Variants in CBR4 observed in about 807,000 individuals in gnomAD.
The protein encoded by CBR4 is 3-oxoacyl-[acyl-carrier-protein] reductase.
CBR4 carries 22 observed loss-of-function variants against 21.0 expected under a neutral mutation model. The observed-to-expected ratio is 1.05, with a 90% CI of 0.75 to 1.50. The LOEUF is 1.50. CBR4 is among the 40% of genes most tolerant of loss of function. The pLI is 0.00. For synonymous variants in CBR4, 100 were observed against 104.4 expected (o/e 0.96, Z 0.26); for missense variants, 302 against 286.3 (o/e 1.05, Z -0.40).
chr4:168,955,248 T>C (rs1237805196), intron 2 of CBR4, among the ~76,000 whole-genome samples: 2 of 151,704 alleles, frequency 1.3e-5, no homozygotes, highest in Non-Finnish European at 2.9e-5. Flanking sequence ...AGTCAATACA[T>C]GAGGCCTAAT....
At chr4:168,979,017 C>T (rs1764458727) in intron 2 of CBR4, among the ~76,000 whole-genome samples, 2 of 152,024 alleles carry the variant, frequency 1.3e-5, no homozygotes, top group Non-Finnish European at 2.9e-5. Flanking sequence ...CAGGAGGGAG[C>T]AAAGAGGTTA....
intron 2 of CBR4, among the ~76,000 whole-genome samples, chr4:168,977,148 C>G (rs1009481545): frequency 2.0e-5 from 3 of 152,182 alleles, no homozygotes; most frequent in African/African-American, 7.2e-5. Flanking sequence ...TCTCCAGACC[C>G]TGTTCTGTCC....
intron 2 of CBR4, among the ~76,000 whole-genome samples, chr4:168,971,243 A>G (rs370428617): frequency 1.4e-5 from 2 of 144,234 alleles, no homozygotes; most frequent in Non-Finnish European, 1.5e-5. Flanking sequence ...GCATTTTTTC[A>G]TATGTTTCTT....
At chr4:168,918,341 C>T (rs62333017) in intron 2 of CBR4, among the ~76,000 whole-genome samples, 2 of 76,858 alleles carry the variant, frequency 2.6e-5, no homozygotes, top group Non-Finnish European at 6.8e-5. Context: ...TATATATATA[C>T]ATACATACAC....
At chr4:168,964,015 C>G (rs1350372566) in intron 2 of CBR4, among the ~76,000 whole-genome samples, 1 of 152,048 alleles carries the variant, frequency 6.6e-6, no homozygotes, top group East Asian at 1.9e-4. Context: ...ATGCAACTGA[C>G]AGGAAATATA....
chr4:168,991,877 T>G (rs768573676), intron 4 of CBR4, among the ~76,000 whole-genome samples: 3 of 152,218 alleles, frequency 2.0e-5, no homozygotes, highest in Non-Finnish European at 4.4e-5. Context: ...AGTAAACATT[T>G]AATGTGCAAT....
intron 2 of CBR4, chr4:168,928,344 CA>C (rs1762820031): frequency 7.7e-6 from 1 of 130,302 alleles, no homozygotes; most frequent in African/African-American, 4.7e-5. Flanking sequence ...AAAGTACTAT[CA>C]ATCAATCATA....
chr4:168,925,848 G>T (rs1375453730), intron 2 of CBR4, among the ~76,000 whole-genome samples: 1 of 152,064 alleles, frequency 6.6e-6, no homozygotes, highest in Non-Finnish European at 1.5e-5. Context: ...ACATCCAGCA[G>T]AATTCCTAAG....
Position 168,987,607 on chromosome 4 carries a change from C to T in CBR4, c.*2543G>A, listed in dbSNP as rs549049981. On this transcript the variant is annotated 3_prime_UTR_variant, in exon 5 of 5. Transcript: ENST00000306193. ...TCAGAAAGTTTAAAATCATTAAATACTTTATTTAAGAACAGTTTGTTTACC... is the reference window on the plus strand; with the variant it reads ...TCAGAAAGTTTAAAATCATTAAATATTTTATTTAAGAACAGTTTGTTTACC... 92 of 904,502 alleles carry T rather than the reference C, an allele frequency of 1.0e-4. 1 individual carries two copies. The African/African-American group carries it at 1.6e-3, about 16-fold the overall frequency. The allele number at this position is 904,502 out of a possible 1,614,324, so 56.0% of individuals were successfully genotyped here. A position where few individuals can be genotyped will look rare whatever the true frequency, so the allele number is the denominator to read the frequency against.
At chr4:168,933,685 A>C (rs952574632) in intron 2 of CBR4, among the ~76,000 whole-genome samples, 4 of 152,158 alleles carry the variant, frequency 2.6e-5, no homozygotes, top group African/African-American at 9.6e-5. Flanking sequence ...CCTACAGAAC[A>C]TTTCACCCAA....
chr4:168,910,633 T>A (rs1003769646), intron 2 of CBR4, among the ~76,000 whole-genome samples: 2 of 152,182 alleles, frequency 1.3e-5, no homozygotes, highest in African/African-American at 4.8e-5. Context: ...TTTACAAGTA[T>A]TAATGCCTTT....
intron 2 of CBR4, among the ~76,000 whole-genome samples, chr4:168,931,875 C>G (rs907758534): frequency 6.6e-6 from 1 of 152,140 alleles, no homozygotes; most frequent in African/African-American, 2.4e-5. Flanking sequence ...TACAGTACTG[C>G]ATCCACCTAG....
intron 2 of CBR4, among the ~76,000 whole-genome samples, chr4:168,966,668 C>G (rs1254710739): frequency 1.3e-5 from 2 of 152,126 alleles, no homozygotes; most frequent in African/African-American, 4.8e-5. Flanking sequence ...GATCTAGAAC[C>G]AGAAATTCCA....
intron 2 of CBR4, chr4:168,927,452 T>A (rs1762705032): frequency 4.3e-6 from 1 of 232,712 alleles, no homozygotes; most frequent in Non-Finnish European, 8.5e-6. Flanking sequence ...TGTGTAGTAG[T>A]GGAAGATTTT....
At position 168,924,371 on chromosome 4, in the gene CBR4, T is replaced by C; in HGVS notation, n.170-29606A>G. 6.2e-7 allele frequency: 1 copy of C among 1,613,956 alleles called. No homozygotes were observed. Among genetic ancestry groups the C allele is most frequent in the Non-Finnish European group, 8.5e-7 (1 of 1,179,922 alleles). On this transcript the variant is annotated intron_variant and non_coding_transcript_variant, in intron 2 of 3. Transcript: ENST00000509108. The stretch of plus-strand genomic sequence containing the variant: ...ATTGGGAGTGCCACCACCTCAGATA[T>C]TTTGGAAGAAAGAAAATGAATCACT...
At chr4:168,994,897 C>T (rs774353952) in intron 4 of CBR4, among the ~76,000 whole-genome samples, 1 of 151,912 alleles carries the variant, frequency 6.6e-6, no homozygotes. Context: ...TAGGATTACA[C>T]GCATGCATCA....
At chr4:168,958,647 CA>C (rs1019702776) in intron 2 of CBR4, among the ~76,000 whole-genome samples, 8 of 152,264 alleles carry the variant, frequency 5.3e-5, no homozygotes, top group African/African-American at 1.9e-4. Context: ...GCCAGTTTTG[CA>C]GTTTGTAACA....
At chr4:168,897,991 CT>C (rs1755610027) in intron 2 of CBR4, 1 of 151,486 alleles carries the variant, frequency 6.6e-6, no homozygotes, top group Admixed American at 6.6e-5. Context: ...TATTCTTTTA[CT>C]ATTTTTTCTA....
At chr4:168,943,203 C>T (rs942801676) in intron 2 of CBR4, among the ~76,000 whole-genome samples, 3 of 152,184 alleles carry the variant, frequency 2.0e-5, no homozygotes, top group Non-Finnish European at 4.4e-5. Context: ...GAAGGTCAAA[C>T]TACACAACCC....
Sources: allele counts gnomAD v4.1 joint callset (sites outside exome capture counted in the v4.1 genomes callset), GRCh38; gene constraint gnomAD v4.1.1; transcripts MANE v1.5; gene names NCBI Gene and HGNC (gene_info 2026-07-23, HGNC 2026-07-21).